Variants in ST18 observed in about 807,000 individuals in gnomAD.
The protein encoded by ST18 is ST18 C2H2C-type zinc finger transcription factor.
In ST18, 50 loss-of-function variants were observed where a neutral mutation model predicts 110.0. The ratio of observed to expected loss-of-function variants is 0.45; its 90% CI spans 0.36 to 0.58. The LOEUF is 0.58. Among genes scored for constraint, ST18 ranks in the 20% least tolerant of loss-of-function variants. The pLI is 0.00. For synonymous variants in ST18, 461 were observed against 452.4 expected, an observed-to-expected ratio of 1.02 and a Z score of -0.24; for missense variants, 1,306 against 1,280.1, an observed-to-expected ratio of 1.02 and a Z score of -0.31.
chr8:52,211,127 G>A (rs888368988), intron 8 of ST18, among the ~76,000 whole-genome samples: 1 of 152,140 alleles, frequency 6.6e-6, no homozygotes, highest in South Asian at 2.1e-4. Context: ...GACAGAAAAT[G>A]TGTCGTCTGC....
At chr8:52,154,107 C>T (rs2059454144) in intron 15 of ST18, among the ~76,000 whole-genome samples, 1 of 152,180 alleles carries the variant, frequency 6.6e-6, no homozygotes, top group Non-Finnish European at 1.5e-5. Flanking sequence ...TGTTTCCTTG[C>T]ACCTGTATCA....
intron 2 of ST18, among the ~76,000 whole-genome samples, chr8:52,331,404 T>C (rs1809338657): frequency 2.0e-5 from 3 of 152,180 alleles, no homozygotes; most frequent in Admixed American, 6.5e-5. Flanking sequence ...TTAAGGTCCA[T>C]GTGAATACAA....
At chr8:52,377,311 G>C (rs1183087793) in intron 2 of ST18, among the ~76,000 whole-genome samples, 3 of 152,178 alleles carry the variant, frequency 2.0e-5, no homozygotes, top group Non-Finnish European at 2.9e-5. Flanking sequence ...ACCTATAACT[G>C]ATTTAGTACA....
chr8:52,319,211 A>G (rs906866682), intron 2 of ST18, among the ~76,000 whole-genome samples: 9 of 152,196 alleles, frequency 5.9e-5, no homozygotes, highest in African/African-American at 1.9e-4. Flanking sequence ...GGAGAATATG[A>G]TCCATTTTTG....
intron 19 of ST18, 35 bp downstream of exon 19, chr8:52,136,555 A>C (rs780931336): frequency 1.9e-6 from 3 of 1,591,214 alleles, no homozygotes; most frequent in Non-Finnish European, 2.6e-6. Context: ...TACCGTGTGG[A>C]TGAAGGGCAA....
At chr8:52,386,926 A>C (rs796969863) in intron 2 of ST18, among the ~76,000 whole-genome samples, 1 of 152,224 alleles carries the variant, frequency 6.6e-6, no homozygotes, top group South Asian at 2.1e-4. Flanking sequence ...TAATCCAACT[A>C]GTATAATTAA....
At chr8:52,170,669 C>T (rs946808788) in intron 10 of ST18, among the ~76,000 whole-genome samples, 2 of 151,948 alleles carry the variant, frequency 1.3e-5, no homozygotes, top group Non-Finnish European at 2.9e-5. Context: ...ATACAGTGTC[C>T]TGCCCTGAAC....
At chr8:52,257,528 T>A (rs1441297317) in intron 2 of ST18, among the ~76,000 whole-genome samples, 4 of 152,218 alleles carry the variant, frequency 2.6e-5, no homozygotes, top group Admixed American at 2.0e-4. Context: ...ATTTCCCTAA[T>A]GACTAATGAC....
At chr8:52,401,108 A>G (rs1029588197) in intron 2 of ST18, among the ~76,000 whole-genome samples, 1 of 152,110 alleles carries the variant, frequency 6.6e-6, no homozygotes, top group African/African-American at 2.4e-5. Context: ...TTCTTGGCTG[A>G]CAGGTTTTTT....
In ST18 at chr8:52,169,336, C is replaced by G. The variant is rs1472970468; in HGVS notation, c.1070-2350G>C. Among the ~76,000 whole-genome samples the G allele has an allele frequency of 2.6e-5, 4 of 152,198 alleles. No homozygotes were observed. In the East Asian group the frequency reaches 7.7e-4, roughly 29 times the overall value. On this transcript the variant is annotated intron_variant, in intron 10 of 25. Coordinates refer to ENST00000689386, the MANE Select transcript of ST18 (RefSeq NM_001352837.2). ...ACACCTTGGTTTTCCTGGGACTGTCCTCATCCACACCTGATGTACTCATGT... is the reference window on the plus strand; with the variant it reads ...ACACCTTGGTTTTCCTGGGACTGTCGTCATCCACACCTGATGTACTCATGT...
At chr8:52,118,537 T>C in intron 23 of ST18, 96 bp from the exon 24 acceptor site, 1 of 665,312 alleles carries the variant, frequency 1.5e-6, no homozygotes, top group Non-Finnish European at 2.4e-6. Flanking sequence ...AAAATGAGAC[T>C]TTCATTTAGT....
At chr8:52,126,673 T>A (rs1022877607) in intron 22 of ST18, among the ~76,000 whole-genome samples, 8 of 152,256 alleles carry the variant, frequency 5.3e-5, no homozygotes, top group Admixed American at 3.9e-4. Flanking sequence ...GTTATGGGAA[T>A]GTTTTTAATT....
chr8:52,373,008 C>T (rs16917744), intron 2 of ST18, among the ~76,000 whole-genome samples: 25,064 of 152,142 alleles, frequency 0.16, 3,474 homozygotes, highest in African/African-American at 0.38. Context: ...CTCCCTTCAG[C>T]AGAATGCCAT....
chr8:52,230,396 T>G (rs887113981), intron 2 of ST18, among the ~76,000 whole-genome samples: 19 of 151,714 alleles, frequency 1.3e-4, no homozygotes, highest in African/African-American at 4.6e-4. Flanking sequence ...GAATTATCAA[T>G]GACAGTCTTT....
chr8:52,147,897 C>T (rs529815647), intron 16 of ST18, among the ~76,000 whole-genome samples: 11 of 152,264 alleles, frequency 7.2e-5, no homozygotes, highest in Non-Finnish European at 1.2e-4. Context: ...TAGGACTGCG[C>T]CAACAATTTT....
At chr8:52,252,635 G>T (rs2094368138) in intron 2 of ST18, among the ~76,000 whole-genome samples, 1 of 151,722 alleles carries the variant, frequency 6.6e-6, no homozygotes, top group Non-Finnish European at 1.5e-5. Context: ...AAATATAAAA[G>T]CTTTTAAGCT....
At chr8:52,174,163 G>T (rs1415815205) in intron 9 of ST18, among the ~76,000 whole-genome samples, 1 of 152,128 alleles carries the variant, frequency 6.6e-6, no homozygotes, top group Non-Finnish European at 1.5e-5. Context: ...TTAGTTCCTA[G>T]AAAAGAGGCT....
At chr8:52,167,649 C>G (rs1348185103) in intron 10 of ST18, among the ~76,000 whole-genome samples, 1 of 152,210 alleles carries the variant, frequency 6.6e-6, no homozygotes, top group Non-Finnish European at 1.5e-5. Flanking sequence ...TGATCTCACT[C>G]TAAATGCAGA....
intron 2 of ST18, among the ~76,000 whole-genome samples, chr8:52,237,757 T>G (rs1325489983): frequency 6.6e-6 from 1 of 152,200 alleles, no homozygotes; most frequent in Non-Finnish European, 1.5e-5. Context: ...TATTTTAGAT[T>G]GAGGCAGGAA....
Sources: gnomAD v4.1 joint callset for allele counts (sites outside exome capture counted in the v4.1 genomes callset) on GRCh38, gnomAD v4.1.1 for gene constraint, MANE v1.5 for transcripts, NCBI Gene and HGNC (gene_info 2026-07-23, HGNC 2026-07-21) for gene names.